ZBTB20: variants seen among roughly 807,000 people sequenced by gnomAD.
ZBTB20 encodes the protein zinc finger and BTB domain containing 20, also known as zinc finger and BTB domain-containing protein 20.
Under a neutral mutation model 56.9 loss-of-function variants are expected in ZBTB20, and 9 were observed. The ratio of observed to expected loss-of-function variants is 0.16; its 90% CI spans 0.10 to 0.28. The LOEUF is 0.28. Among genes scored for constraint, ZBTB20 ranks in the 10% least tolerant of loss-of-function variants. ZBTB20 has a pLI of 1.00. For missense variants in ZBTB20, 655 were observed against 1,003.0 expected (o/e 0.65, Z 4.69); for synonymous variants, 417 against 420.7 (o/e 0.99, Z 0.11).
At chr3:114,743,770 G>A (rs2082081808) in intron 5 of ZBTB20, 1 of 152,510 alleles carries the variant, frequency 6.6e-6, no homozygotes, top group African/African-American at 2.4e-5. Flanking sequence ...CACCTCCATG[G>A]GGTTGTTGTC....
intron 1 of ZBTB20, among the ~76,000 whole-genome samples, chr3:115,146,209 T>C (rs1400266854): frequency 2.6e-5 from 4 of 152,224 alleles, no homozygotes; most frequent in Non-Finnish European, 5.9e-5. Flanking sequence ...GATCAGCGGA[T>C]TACCGCGCTA....
intron 10 of ZBTB20, chr3:114,367,266 CTT>C (rs2108396279): frequency 6.6e-6 from 1 of 152,298 alleles, no homozygotes; most frequent in East Asian, 1.9e-4. Context: ...GAAAATCTCT[CTT>C]CTTTTTTTAT....
intron 5 of ZBTB20, among the ~76,000 whole-genome samples, chr3:114,791,368 A>G (rs1444114668): frequency 6.6e-6 from 1 of 152,144 alleles, no homozygotes; most frequent in Non-Finnish European, 1.5e-5. Context: ...CTGTTTTTCT[A>G]TCTTCTAAAA....
rs191200922 is a variant in ZBTB20, at chr3:114,332,443, A to T, written c.*6562T>A. On this transcript the variant is annotated 3_prime_UTR_variant, in exon 12 of 12. Coordinates refer to ENST00000675478, the MANE Select transcript of ZBTB20 (RefSeq NM_001348800.3). ...CCGGGCACCTGTGATTGCATTTTAT[A>T]GGATTCTATTTAGTAATATGATGTC... The T allele has an allele frequency of 1.2e-4, 18 of 152,350 alleles. No individual in the cohort carries two copies. The East Asian group carries it at 3.5e-3, about 29-fold the overall frequency. 9.4% of individuals were successfully genotyped at this position (152,350 alleles called of 1,614,324 possible). A position where few individuals can be genotyped will look rare whatever the true frequency, so the allele number is the denominator to read the frequency against.
chr3:114,366,651 C>G (rs1055436850), intron 10 of ZBTB20: 9 of 152,176 alleles, frequency 5.9e-5, no homozygotes, highest in African/African-American at 1.9e-4. Context: ...TACTAGGAGG[C>G]TTTTAGATCA....
rs545185047 is a variant in ZBTB20, at chr3:114,456,175, C to A, written c.-255+44177G>T. Among the ~76,000 whole-genome samples the A allele has an allele frequency of 2.0e-5, 3 of 151,136 alleles. No individual in the cohort carries two copies. In the South Asian group the frequency reaches 6.3e-4, roughly 32 times the overall value. On this transcript the variant is annotated intron_variant, in intron 7 of 11. Coordinates refer to ENST00000675478, the MANE Select transcript of ZBTB20 (RefSeq NM_001348800.3). ...AATTACATATATAAATACATTTCCA[C>A]TTTATATATATGTGTGTTTATGTAT...
chr3:115,005,128 A>G (rs1236305578), intron 2 of ZBTB20, among the ~76,000 whole-genome samples: 3 of 151,712 alleles, frequency 2.0e-5, no homozygotes, highest in Non-Finnish European at 4.4e-5. Flanking sequence ...TTACCCTGAA[A>G]ATTTGTTTTC....
intron 6 of ZBTB20, among the ~76,000 whole-genome samples, chr3:114,672,361 A>G (rs1274185220): frequency 2.6e-5 from 4 of 152,170 alleles, no homozygotes; most frequent in Non-Finnish European, 5.9e-5. Flanking sequence ...GGCAGCATCT[A>G]TTAAGGAGGA....
chr3:114,731,906 G>C (rs2065790782), intron 5 of ZBTB20, among the ~76,000 whole-genome samples: 1 of 151,304 alleles, frequency 6.6e-6, no homozygotes, highest in Non-Finnish European at 1.5e-5. Context: ...GCTGTGCCTA[G>C]ATTAGTTACT....
At chr3:114,890,426 C>T (rs1211839571) in intron 4 of ZBTB20, among the ~76,000 whole-genome samples, 7 of 152,120 alleles carry the variant, frequency 4.6e-5, no homozygotes, top group African/African-American at 4.8e-5. Flanking sequence ...AGATCTAACT[C>T]GGATAGGATG....
chr3:114,687,736 C>T (rs1007760284), intron 6 of ZBTB20: 1 of 151,894 alleles, frequency 6.6e-6, no homozygotes, highest in African/African-American at 2.4e-5. Context: ...TTTTAAAGAT[C>T]CACTTAACCC....
chr3:114,502,422 T>C (rs1436392913), intron 6 of ZBTB20, among the ~76,000 whole-genome samples: 1 of 152,168 alleles, frequency 6.6e-6, no homozygotes, highest in East Asian at 1.9e-4. Context: ...CTCAAGTACA[T>C]GCAGGTGTAC....
intron 5 of ZBTB20, among the ~76,000 whole-genome samples, chr3:114,799,687 G>A (rs1034599124): frequency 2.6e-5 from 4 of 151,912 alleles, no homozygotes; most frequent in Non-Finnish European, 5.9e-5. Flanking sequence ...GGTTTGAACT[G>A]TTGTAGTTAT....
At chr3:114,999,068 G>T (rs1380872012) in intron 2 of ZBTB20, among the ~76,000 whole-genome samples, 2 of 145,670 alleles carry the variant, frequency 1.4e-5, no homozygotes, top group Non-Finnish European at 3.0e-5. Context: ...GAGGAGAGGA[G>T]AGCAGAGGAG....
chr3:114,831,888 T>G (rs1358297136), intron 4 of ZBTB20, among the ~76,000 whole-genome samples: 1 of 152,074 alleles, frequency 6.6e-6, no homozygotes, highest in Non-Finnish European at 1.5e-5. Context: ...GTTTTTATTC[T>G]AGGATTCTAG....
chr3:114,567,294 G>GA (rs1296864516), intron 6 of ZBTB20, among the ~76,000 whole-genome samples: 7 of 152,218 alleles, frequency 4.6e-5, no homozygotes, highest in African/African-American at 1.2e-4. Flanking sequence ...GGGTCCTCGG[G>GA]AAAAAAATTG....
intron 6 of ZBTB20, among the ~76,000 whole-genome samples, chr3:114,550,923 G>T (rs1378115295): frequency 6.6e-6 from 1 of 152,090 alleles, no homozygotes; most frequent in African/African-American, 2.4e-5. Context: ...TCTAATTTTT[G>T]TATTTTTAGC....
intron 6 of ZBTB20, among the ~76,000 whole-genome samples, chr3:114,525,456 C>T (rs1372994502): frequency 6.6e-6 from 1 of 152,068 alleles, no homozygotes; most frequent in Non-Finnish European, 1.5e-5. Flanking sequence ...ATGATTTCAT[C>T]ATATTTCTCC....
chr3:114,725,562 G>C (rs1391510393), intron 5 of ZBTB20, among the ~76,000 whole-genome samples: 7 of 152,168 alleles, frequency 4.6e-5, no homozygotes, highest in African/African-American at 1.7e-4. Context: ...AAATGCAATT[G>C]ATTACTTCGC....
Sources: gnomAD v4.1 joint callset for allele counts (sites outside exome capture counted in the v4.1 genomes callset) on GRCh38, gnomAD v4.1.1 for gene constraint, MANE v1.5 for transcripts, NCBI Gene and HGNC (gene_info 2026-07-23, HGNC 2026-07-21) for gene names.